The following UBR4 variants were observed in gnomAD, a reference collection of about 807,000 sequenced individuals.
UBR4 encodes E3 ubiquitin-protein ligase UBR4.
Under a neutral mutation model 575.6 loss-of-function variants are expected in UBR4, and 124 were observed. The observed-to-expected ratio is 0.22, with a 90% CI of 0.19 to 0.25. UBR4 has a LOEUF of 0.25. Ranked by LOEUF, UBR4 falls within the 10% of genes least tolerant of loss-of-function variation. The probability of loss-of-function intolerance (pLI) is 1.00; values close to 1 mark genes in which losing one functional copy is unlikely to be tolerated. For missense variants in UBR4, 4,818 were observed against 6,478.8 expected, an observed-to-expected ratio of 0.74 and a Z score of 8.80; for synonymous variants, 2,455 against 2,473.7, an observed-to-expected ratio of 0.99 and a Z score of 0.22.
At chr1:19,209,675 T>C (rs2151898603) in intron 1 of UBR4, among the ~76,000 whole-genome samples, 1 of 152,302 alleles carries the variant, frequency 6.6e-6, no homozygotes, top group East Asian at 1.9e-4. Context: ...AGACCGTTAT[T>C]AAATTATACC....
At chr1:19,150,507 A>G (rs1231299298) in intron 49 of UBR4, 70 bp downstream of exon 49, 1 of 1,539,156 alleles carries the variant, frequency 6.5e-7, no homozygotes. Context: ...TGGCTCTCTC[A>G]AGACACAGGA....
intron 1 of UBR4, among the ~76,000 whole-genome samples, chr1:19,203,083 A>G (rs2092825904): frequency 2.7e-5 from 4 of 147,116 alleles, no homozygotes; most frequent in Non-Finnish European, 3.0e-5. Flanking sequence ...CGTCTCAGAG[A>G]AAAAAAAAAA....
rs895961189 is a variant in UBR4 at position 19,139,401 on chromosome 1, A to G, written c.8594-181T>C. On this transcript the variant is annotated intron_variant, in intron 58 of 105. Coordinates refer to ENST00000375254, the MANE Select transcript of UBR4 (RefSeq NM_020765.3). The surrounding 1 kb of genome is among the most constrained non-coding windows in gnomAD (Gnocchi z 4.2). ...GAGAGATTTGCTTTGCTGGTTAATCACTAACAGGAACAAACACTATACACG... is the reference window on the plus strand; with the variant it reads ...GAGAGATTTGCTTTGCTGGTTAATCGCTAACAGGAACAAACACTATACACG... Among the ~76,000 whole-genome samples, 1 of 152,250 alleles carries G rather than the reference A, an allele frequency of 6.6e-6. No homozygotes were observed. Among genetic ancestry groups the G allele is most frequent in the Non-Finnish European group, 1.5e-5 (1 of 68,052 alleles).
chr1:19,160,886 C>A, intron 38 of UBR4, 31 bp downstream of exon 38: 1 of 1,607,244 alleles, frequency 6.2e-7, no homozygotes, highest in South Asian at 1.1e-5. Context: ...TGAACTCTGT[C>A]TGCTTACTAG....
chr1:19,106,476 G>T, intron 83 of UBR4, 93 bp downstream of exon 83: 1 of 1,405,088 alleles, frequency 7.1e-7, no homozygotes, highest in East Asian at 2.4e-5. Context: ...AGAAGAGATG[G>T]CAGTGCAGAC....
intron 1 of UBR4, 71 bp downstream of exon 1, chr1:19,210,002 G>T: frequency 6.8e-7 from 1 of 1,459,932 alleles, no homozygotes. Context: ...CCGGAAAGCG[G>T]GTCCAGACGA....
In UBR4 at chr1:19,117,690, C is replaced by A; in HGVS notation, c.10629+133G>T. On this transcript the variant is annotated intron_variant, in intron 72 of 105. Coordinates refer to ENST00000375254, the MANE Select transcript of UBR4 (RefSeq NM_020765.3). This position sits in a 1 kb window ranked among gnomAD's most constrained non-coding sequence, Gnocchi z 4.0. ...TTTCTATTTAAGGTAATAAATGTGGCAGATAAAAATTCCTACTATCGGTGA... is the reference window on the plus strand; with the variant it reads ...TTTCTATTTAAGGTAATAAATGTGGAAGATAAAAATTCCTACTATCGGTGA... 1.1e-6 allele frequency: 1 copy of A among 944,258 alleles called. No homozygotes were observed. The highest frequency in any genetic ancestry group is 1.6e-5 in the South Asian group (1 of 64,248). The allele number at this position is 944,258 out of a possible 1,614,324, so 58.5% of individuals were successfully genotyped here. A position where few individuals can be genotyped will look rare whatever the true frequency, so the allele number is the denominator to read the frequency against.
rs966433244 is a variant in UBR4, at chr1:19,076,823, T to C, written c.15404A>G (p.Tyr5135Cys). The C allele has an allele frequency of 3.1e-6, 5 of 1,613,488 alleles. No individual in the cohort carries two copies. The highest frequency in any genetic ancestry group is 4.2e-6 in the Non-Finnish European group (5 of 1,179,830). ...TTTCAGGGCTTTGTCGGCAGCTTCG[T>C]AGATGGGCATGTCGTTGTGGCGGAT... ...EYIRHNDMPI[Y>C]EAADKALKTF... Residue 5135 changes from tyrosine to cysteine, a missense_variant, in exon 105 of 106, where the codon TAC (tyrosine) becomes TGC (cysteine). Coordinates refer to ENST00000375254, the MANE Select transcript of UBR4 (RefSeq NM_020765.3).
chr1:19,110,385 C>T lies in UBR4; in HGVS notation c.11972G>A (p.Arg3991His), dbSNP rs1470800849. 1.5e-5 allele frequency: 25 copies of T among 1,613,986 alleles called. No individual in the cohort carries two copies. Among genetic ancestry groups the T allele is most frequent in the East Asian group, 2.2e-5 (1 of 44,896 alleles). The change falls in exon 80 of 106, where the codon CGC (arginine) becomes CAC (histidine). Residue 3991 changes from arginine (R) to histidine (H), a missense_variant. Coordinates refer to ENST00000375254, the MANE Select transcript of UBR4 (RefSeq NM_020765.3). This position sits in a 1 kb window ranked among gnomAD's most constrained non-coding sequence, Gnocchi z 4.5. The part of the protein sequence containing the change: ...KEDSCWELRL[R>H]CALSLFLMAV... Reference sequence around the variant, plus strand: ...CTGAAAATCCCCTAACTCACCACAGCGTAACCGGAGCTCCCAGCAGCTGTC... The same window carrying T: ...CTGAAAATCCCCTAACTCACCACAGTGTAACCGGAGCTCCCAGCAGCTGTC...
rs2081546156 is a variant in UBR4, at chr1:19,124,800, TGCCTTTCAGA to T, written c.9439-120_9439-111del. On this transcript the variant is annotated intron_variant, in intron 64 of 105. Coordinates refer to ENST00000375254, the MANE Select transcript of UBR4 (RefSeq NM_020765.3). Reference sequence around the variant, plus strand: ...ATTACATGTTGGAGGTGGTAAAGGGTGCCTTTCAGAGCTGGAATCAAGACTGACTGACAGT... The same window carrying T: ...ATTACATGTTGGAGGTGGTAAAGGGTGCTGGAATCAAGACTGACTGACAGT... The T allele has an allele frequency of 1.8e-5, 25 of 1,412,080 alleles. No homozygotes were observed. In the South Asian group the frequency reaches 3.1e-4, roughly 17 times the overall value. 87.5% of individuals were successfully genotyped at this position (1,412,080 alleles called of 1,614,324 possible).
Position 19,179,180 on chromosome 1 carries a change from T to C in UBR4, c.2225A>G (p.Glu742Gly), listed in dbSNP as rs1280561843. Residue 742 changes from glutamate to glycine, a missense_variant, in exon 18 of 106, where the codon GAG (glutamate) becomes GGG (glycine). Coordinates refer to ENST00000375254, the MANE Select transcript of UBR4 (RefSeq NM_020765.3). ...LQQLGVAPFS[E>G]GPWPLYIHPQ... ...GTGAATGTACAAGGGCCAAGGGCCC[T>C]CAGAAAAAGGAGCCACTCCTAGCTG... The C allele has an allele frequency of 6.3e-7, 1 of 1,590,140 alleles. No individual in the cohort carries two copies. The highest frequency in any genetic ancestry group is 8.5e-7 in the Non-Finnish European group (1 of 1,173,984).
chr1:19,193,709 T>A (rs894019699), intron 8 of UBR4, 152 bp from the exon 9 acceptor site: 12 of 1,082,022 alleles, frequency 1.1e-5, no homozygotes, highest in Non-Finnish European at 1.4e-5. Context: ...AGGTTTACCA[T>A]ACAATTCAGT....
intron 104 of UBR4, among the ~76,000 whole-genome samples, chr1:19,077,373 C>T (rs2181598): frequency 0.01 from 1,543 of 152,136 alleles, 24 homozygotes; most frequent in African/African-American, 0.035. Context: ...AGAGACCCGG[C>T]GGGGAAGGTC....
rs1178966599 is a variant in UBR4 at position 19,104,262 on chromosome 1, G to A, written c.12728-5C>T. The A allele has an allele frequency of 6.2e-7, 1 of 1,613,810 alleles. No homozygotes were observed. Among genetic ancestry groups the A allele is most frequent in the Middle Eastern group, 1.6e-4 (1 of 6,062 alleles). ...CAACAAAGGAGGAGAGAAGGCCTGT[G>A]GAGACAGGAAAATGTTGCTGTGAGA... is the stretch of plus-strand genomic sequence containing the variant. On this transcript the variant is annotated splice_region_variant and splice_polypyrimidine_tract_variant and intron_variant, in intron 86 of 105. Coordinates refer to ENST00000375254, the MANE Select transcript of UBR4 (RefSeq NM_020765.3).
intron 20 of UBR4, 67 bp downstream of exon 20, chr1:19,176,525 G>A: frequency 1.3e-6 from 2 of 1,573,214 alleles, no homozygotes; most frequent in Non-Finnish European, 1.7e-6. Flanking sequence ...GAGTCCCCAA[G>A]CTTCAAATTC....
At chr1:19,166,916 C>A in intron 29 of UBR4, 106 bp downstream of exon 29, 2 of 1,304,320 alleles carry the variant, frequency 1.5e-6, no homozygotes, top group South Asian at 1.3e-5. Flanking sequence ...AAAAACCACA[C>A]ACAAAAACAA....
At chr1:19,176,101 T>C (rs1256651335) in intron 20 of UBR4, among the ~76,000 whole-genome samples, 1 of 147,050 alleles carries the variant, frequency 6.8e-6, no homozygotes, top group Non-Finnish European at 1.5e-5. Flanking sequence ...TTTTTTTTTT[T>C]TCCTTGAAAT....
chr1:19,174,202 A>C, intron 22 of UBR4, 117 bp downstream of exon 22: 1 of 1,296,832 alleles, frequency 7.7e-7, no homozygotes, highest in African/African-American at 1.5e-5. Context: ...CTCAAGTATC[A>C]GTCAGTTTTG....
Position 19,180,707 on chromosome 1 carries a change from C to CT in UBR4, c.2185-1488dup, listed in dbSNP as rs78002097. 7.0e-4 allele frequency among the ~76,000 whole-genome samples: 107 copies of CT among 151,854 alleles called. No individual in the cohort carries two copies. In the East Asian group the frequency reaches 0.013, roughly 18 times the overall value. On this transcript the variant is annotated intron_variant, in intron 17 of 105. Transcript: ENST00000375254. ...ATTCCTTATAATGCTATTTTTAATG[C>CT]TTTTTTTTGCTCATTTTTCATCTTT...
Sources: gnomAD v4.1 joint callset for allele counts (sites outside exome capture counted in the v4.1 genomes callset) on GRCh38, gnomAD v4.1.1 for gene constraint, Gnocchi (gnomAD v3.1) non-coding constraint, MANE v1.5 for transcripts, NCBI Gene and HGNC (gene_info 2026-07-23, HGNC 2026-07-21) for gene names.